The following MINAR1 variants were observed in gnomAD, a reference collection of about 807,000 sequenced individuals.
The protein encoded by MINAR1 is membrane integral NOTCH2 associated receptor 1.
Under a neutral mutation model 65.1 loss-of-function variants are expected in MINAR1, and 40 were observed. The ratio of observed to expected loss-of-function variants is 0.61; its 90% CI spans 0.48 to 0.80. The LOEUF (loss-of-function observed/expected upper bound fraction) is 0.80, where lower values mean the gene tolerates loss of function less well. Ranked by LOEUF, MINAR1 falls within the 30% of genes least tolerant of loss-of-function variation. The pLI is 0.00. For missense variants in MINAR1, 1,128 were observed against 1,148.0 expected (o/e 0.98, Z 0.25); for synonymous variants, 482 against 449.1 (o/e 1.07, Z -0.93).
chr15:79,464,507 C>G (rs1895769341), intron 3 of MINAR1, among the ~76,000 whole-genome samples: 2 of 152,194 alleles, frequency 1.3e-5, no homozygotes, highest in South Asian at 4.1e-4. Flanking sequence ...CCAGGTCAGA[C>G]AAGTCTAAAT....
intron 1 of MINAR1, among the ~76,000 whole-genome samples, chr15:79,443,176 G>C (rs2141281810): frequency 6.6e-6 from 1 of 152,310 alleles, no homozygotes; most frequent in East Asian, 1.9e-4. Context: ...ACGGGCTGTG[G>C]GAGGCAGGCT....
chr15:79,435,941 T>C (rs1365023954), intron 1 of MINAR1, among the ~76,000 whole-genome samples: 2 of 152,258 alleles, frequency 1.3e-5, no homozygotes, highest in East Asian at 3.8e-4. Context: ...GATTGCATTT[T>C]CCTGTTAATT....
At chr15:79,433,408 G>A (rs921141244) in intron 1 of MINAR1, among the ~76,000 whole-genome samples, 1 of 152,166 alleles carries the variant, frequency 6.6e-6, no homozygotes, top group Admixed American at 6.5e-5. Flanking sequence ...TTAATTCAGC[G>A]GGAATTAAGT....
intron 1 of MINAR1, among the ~76,000 whole-genome samples, chr15:79,444,272 A>G (rs1894948576): frequency 6.6e-6 from 1 of 152,190 alleles, no homozygotes; most frequent in Non-Finnish European, 1.5e-5. Flanking sequence ...CACATAGTAA[A>G]GTTCTCCATA....
intron 2 of MINAR1, among the ~76,000 whole-genome samples, chr15:79,462,370 C>T (rs1567061107): frequency 6.6e-6 from 1 of 152,160 alleles, no homozygotes; most frequent in Non-Finnish European, 1.5e-5. Context: ...AAACCCTTGG[C>T]TTGCATTTCA....
chr15:79,463,255 T>C lies in MINAR1; in HGVS notation c.2487T>C (p.Ser829=). ...ELAEVKRGQP[S]WTIEEYARNA... is the part of the protein sequence containing the mutation. ...CCGAGGTGAAGCGGGGCCAACCTTC[T>C]TGGACCATTGAGGAGTATGCACGGA... is the stretch of plus-strand genomic sequence containing the variant. The change falls in exon 3 of 4, where the codon TCT becomes TCC. Residue 829 remains serine (S), a synonymous_variant. Coordinates refer to ENST00000305428, the MANE Select transcript of MINAR1 (RefSeq NM_015206.3). 1 of 1,614,186 alleles carries C rather than the reference T, an allele frequency of 6.2e-7. No individual in the cohort carries two copies. The highest frequency in any genetic ancestry group is 2.2e-5 in the East Asian group (1 of 44,876).
the MINAR1 span, chr15:79,420,276 C>G: frequency 2.0e-5 from 3 of 152,160 alleles, no homozygotes; most frequent in African/African-American, 7.2e-5. Flanking sequence ...AATAAGGACT[C>G]AGGTAATTTG....
intron 1 of MINAR1, among the ~76,000 whole-genome samples, chr15:79,449,246 T>C (rs1462843661): frequency 6.6e-6 from 1 of 152,216 alleles, no homozygotes; most frequent in African/African-American, 2.4e-5. Context: ...GTGCTCATCT[T>C]AACCTCAGGC....
In MINAR1 at chr15:79,468,584, T is replaced by A; in HGVS notation, c.*200T>A. 1.7e-6 allele frequency: 1 copy of A among 577,788 alleles called. No homozygotes were observed. 35.8% of individuals were successfully genotyped at this position (577,788 alleles called of 1,614,324 possible). A position where few individuals can be genotyped will look rare whatever the true frequency, so the allele number is the denominator to read the frequency against. ...ACCTACCTATTAGCTTTGACTCAAT[T>A]ACACTCTGACGCATTTTTAGAAGTG... On this transcript the variant is annotated 3_prime_UTR_variant, in exon 4 of 4. Coordinates refer to ENST00000305428, the MANE Select transcript of MINAR1 (RefSeq NM_015206.3).
At chr15:79,429,481 T>C (rs1894390678), upstream of MINAR1, among the ~76,000 whole-genome samples, 2 of 152,196 alleles carry the variant, frequency 1.3e-5, no homozygotes, top group Non-Finnish European at 2.9e-5. Context: ...GCCAATGATA[T>C]TATGAAGTGA....
intron 1 of MINAR1, among the ~76,000 whole-genome samples, chr15:79,448,959 G>A (rs951356003): frequency 1.3e-5 from 2 of 152,134 alleles, no homozygotes; most frequent in East Asian, 3.8e-4. Flanking sequence ...TTGTGAAAGG[G>A]TGGGTATTCA....
At chr15:79,426,204 C>T in the MINAR1 span, 1 of 152,976 alleles carries the variant, frequency 6.5e-6, no homozygotes, top group Non-Finnish European at 1.5e-5. Context: ...GAATCACTGC[C>T]AAGGTCGTGC....
At chr15:79,453,485 G>A (rs1895309622) in intron 1 of MINAR1, among the ~76,000 whole-genome samples, 1 of 152,054 alleles carries the variant, frequency 6.6e-6, no homozygotes, top group South Asian at 2.1e-4. Context: ...TGTTTGTGTG[G>A]TCAAATAAGG....
intron 3 of MINAR1, among the ~76,000 whole-genome samples, chr15:79,466,279 T>C (rs901463889): frequency 3.3e-5 from 5 of 152,156 alleles, no homozygotes; most frequent in African/African-American, 7.2e-5. Flanking sequence ...TCTCTTTCCA[T>C]TGTAGTGTCG....
chr15:79,465,802 G>C (rs1895825143), intron 3 of MINAR1, among the ~76,000 whole-genome samples: 1 of 151,820 alleles, frequency 6.6e-6, no homozygotes, highest in African/African-American at 2.4e-5. Flanking sequence ...CAGCCTTTAG[G>C]GGTGCCTCAG....
rs188841232 is a variant in MINAR1 at position 79,442,455 on chromosome 15, T to C, written c.-51+9915T>C. On this transcript the variant is annotated intron_variant, in intron 1 of 3. Coordinates refer to ENST00000305428, the MANE Select transcript of MINAR1 (RefSeq NM_015206.3). ...CATTGATTTATCTGTCAAATTATAATAGGAACTTTGTATTAAGTTTTCATA... is the reference window on the plus strand; with the variant it reads ...CATTGATTTATCTGTCAAATTATAACAGGAACTTTGTATTAAGTTTTCATA... Among the ~76,000 whole-genome samples, 405 of 152,294 alleles carry C rather than the reference T, an allele frequency of 2.7e-3. 4 individuals carry two copies. The highest frequency in any genetic ancestry group is 9.4e-3 in the African/African-American group (389 of 41,578).
chr15:79,444,305 T>C (rs1294458979), intron 1 of MINAR1, among the ~76,000 whole-genome samples: 2 of 152,236 alleles, frequency 1.3e-5, no homozygotes, highest in East Asian at 1.9e-4. Flanking sequence ...GTTAATGTTG[T>C]TCCATTATTT....
intron 1 of MINAR1, among the ~76,000 whole-genome samples, chr15:79,433,822 A>C (rs1183722454): frequency 4.6e-5 from 7 of 152,180 alleles, no homozygotes; most frequent in African/African-American, 1.7e-4. Context: ...CTGTGGCCAC[A>C]GGATGTCTTT....
the MINAR1 span, chr15:79,415,503 A>G: frequency 6.6e-6 from 1 of 152,144 alleles, no homozygotes; most frequent in Admixed American, 6.5e-5. Flanking sequence ...GGGTATTATT[A>G]TTTTTCTGCC....
Sources: allele counts gnomAD v4.1 joint callset (sites outside exome capture counted in the v4.1 genomes callset), GRCh38; gene constraint gnomAD v4.1.1; transcripts MANE v1.5; gene names NCBI Gene and HGNC (gene_info 2026-07-23, HGNC 2026-07-21).